Variants in PIN4 observed in about 807,000 individuals in gnomAD.
PIN4 encodes peptidylprolyl cis/trans isomerase, NIMA-interacting 4.
A neutral mutation model predicts 8.3 loss-of-function variants in PIN4; 3 were observed. The observed-to-expected ratio is 0.36, with a 90% CI of 0.16 to 0.93. The LOEUF (loss-of-function observed/expected upper bound fraction) is 0.93. PIN4 is among the 40% of genes least tolerant of loss of function. PIN4 has a pLI of 0.44. For synonymous variants in PIN4, 18 were observed against 32.5 expected (o/e 0.55, Z 1.52); for missense variants, 75 against 100.6 (o/e 0.75, Z 1.09).
intron 1 of PIN4, 165 bp from the exon 2 acceptor site, chrX:72,186,296 C>T (rs1409173767): frequency 3.9e-6 from 2 of 507,591 alleles, no homozygotes; most frequent in Admixed American, 5.4e-5. Context: ...TCCATTGTGG[C>T]CCAGGGAAGC....
In PIN4 at chrX:72,197,599, G is replaced by C; in HGVS notation, c.*73G>C. 1.8e-6 allele frequency: 2 copies of C among 1,116,197 alleles called. No homozygotes were observed. The highest frequency in any genetic ancestry group is 2.4e-6 in the Non-Finnish European group (2 of 844,573). 92.0% of individuals were successfully genotyped at this position (1,116,197 alleles called of 1,213,427 possible). On this transcript the variant is annotated 3_prime_UTR_variant, in exon 4 of 4. Coordinates refer to ENST00000373669, the MANE Select transcript of PIN4 (RefSeq NM_006223.4). Reference sequence around the variant, plus strand: ...AGGTATTACATATTCTTTTGAGCTGGAGCTGCAAGGAAATACAAAAATTTT... The same window carrying C: ...AGGTATTACATATTCTTTTGAGCTGCAGCTGCAAGGAAATACAAAAATTTT...
intron 2 of PIN4, 145 bp downstream of exon 2, chrX:72,186,679 C>A (rs908233818): frequency 2.3e-5 from 11 of 470,898 alleles, no homozygotes; most frequent in Non-Finnish European, 3.7e-5. Flanking sequence ...TGTAGCTGGG[C>A]GCACCTGTAA....
At chrX:72,249,171 G>C (rs1393767925) in intron 3 of PIN4, among the ~76,000 whole-genome samples, 2 of 112,335 alleles carry the variant, frequency 1.8e-5, no homozygotes, top group Non-Finnish European at 3.8e-5. Flanking sequence ...CACCTCATGA[G>C]ACAGGATATA....
chrX:72,186,546 G>T lies in PIN4; in HGVS notation c.117+12G>T. On this transcript the variant is annotated intron_variant, in intron 2 of 3. Transcript: ENST00000373669. ...GCAATGCAGTAAAGGTGAGTTACTG[G>T]TTCCTTTTTTTCCATGTTAAATATA... 8.9e-7 allele frequency: 1 copy of T among 1,124,666 alleles called. No homozygotes were observed. Among genetic ancestry groups the T allele is most frequent in the Non-Finnish European group, 1.2e-6 (1 of 820,441 alleles). 92.7% of individuals were successfully genotyped at this position (1,124,666 alleles called of 1,213,427 possible).
intron 2 of PIN4, among the ~76,000 whole-genome samples, chrX:72,191,443 C>T (rs765192350): frequency 3.6e-5 from 4 of 111,070 alleles, no homozygotes; most frequent in Non-Finnish European, 5.7e-5. Flanking sequence ...CTCAGCTACT[C>T]GGGAGGCTGA....
At chrX:72,205,281 C>A (rs147364154) in intron 3 of PIN4, 1 of 1,211,871 alleles carries the variant, frequency 8.3e-7, no homozygotes, top group Non-Finnish European at 1.1e-6. Context: ...TAGGCTTAGA[C>A]GTCATTAACC....
intron 2 of PIN4, among the ~76,000 whole-genome samples, chrX:72,189,076 G>A (rs780826035): frequency 1.6e-3 from 182 of 111,121 alleles, no homozygotes; most frequent in African/African-American, 5.5e-3. Context: ...GAGGTAGGAG[G>A]ATTGTTTGAG....
chrX:72,233,178 C>T (rs1222052034), intron 3 of PIN4, among the ~76,000 whole-genome samples: 1 of 111,505 alleles, frequency 9.0e-6, no homozygotes, highest in African/African-American at 3.3e-5. Flanking sequence ...TGATATGACA[C>T]AATATAGCTA....
At chrX:72,256,479 G>A (rs890293581) in intron 3 of PIN4, among the ~76,000 whole-genome samples, 18 of 111,458 alleles carry the variant, frequency 1.6e-4, no homozygotes, top group African/African-American at 5.9e-4. Flanking sequence ...GCCTTTTATT[G>A]TATTCAGGCC....
chrX:72,251,142 G>T (rs1376228443), intron 3 of PIN4, among the ~76,000 whole-genome samples: 3 of 105,120 alleles, frequency 2.9e-5, no homozygotes, highest in Non-Finnish European at 5.9e-5. Flanking sequence ...CGGATCACAA[G>T]GTCAGGAGAT....
intron 1 of PIN4, among the ~76,000 whole-genome samples, chrX:72,183,754 A>T: frequency 8.9e-6 from 1 of 111,772 alleles, no homozygotes; most frequent in Non-Finnish European, 1.9e-5. Flanking sequence ...GCTTCTTTGG[A>T]ATGGGGAAAA....
downstream of PIN4, among the ~76,000 whole-genome samples, chrX:72,201,856 CACAA>C (rs1169026368): frequency 1.8e-5 from 2 of 112,674 alleles, no homozygotes; most frequent in Non-Finnish European, 3.7e-5. Context: ...GAACGAAACG[CACAA>C]ACAAAGCAAG....
chrX:72,196,737 AGTCATTTGG>A (rs750028659), intron 2 of PIN4, 39 bp from the exon 3 acceptor site: 2 of 1,120,952 alleles, frequency 1.8e-6, no homozygotes, highest in Non-Finnish European at 2.4e-6. Flanking sequence ...TACTTTAAGG[AGTCATTTGG>A]GTCTCCAAGT....
In PIN4 at chrX:72,261,013, T is replaced by C. The variant is rs184774151; in HGVS notation, c.313-1694T>C. Among the ~76,000 whole-genome samples, 493 of 111,631 alleles carry C rather than the reference T, an allele frequency of 4.4e-3. 2 individuals carry two copies. Among genetic ancestry groups the C allele is most frequent in the African/African-American group, 0.015 (456 of 30,726 alleles). Reference sequence around the variant, plus strand: ...AGAGAGCTTTTTAAATTAAGCAAAATTTAGCCGGGCGCGGTGGCTCATGCC... The same window carrying C: ...AGAGAGCTTTTTAAATTAAGCAAAACTTAGCCGGGCGCGGTGGCTCATGCC... On this transcript the variant is annotated intron_variant, in intron 3 of 3. Transcript: ENST00000423432.
intron 3 of PIN4, chrX:72,205,269 A>C (rs1569489515): frequency 8.2e-7 from 1 of 1,212,158 alleles, no homozygotes; most frequent in East Asian, 3.0e-5. Flanking sequence ...GAGCTAGAGC[A>C]CTAGGCTTAG....
intron 3 of PIN4, chrX:72,207,087 A>G (rs751805250): frequency 8.3e-7 from 1 of 1,212,016 alleles, no homozygotes; most frequent in Non-Finnish European, 1.1e-6. Context: ...CATCAGTTGC[A>G]GGATTCCAGC....
chrX:72,207,445 G>A, intron 3 of PIN4: 2 of 1,211,010 alleles, frequency 1.7e-6, no homozygotes, highest in Non-Finnish European at 2.2e-6. Context: ...CACATCTGGG[G>A]AATCTTCCCC....
chrX:72,205,475 ACCT>A, intron 3 of PIN4: 2 of 1,210,836 alleles, frequency 1.7e-6, no homozygotes, highest in Non-Finnish European at 1.1e-6. Context: ...TTAATAAGAG[ACCT>A]CCTAGAAGCC....
At chrX:72,196,523 G>A (rs1337947634) in intron 2 of PIN4, among the ~76,000 whole-genome samples, 30 of 87,289 alleles carry the variant, frequency 3.4e-4, no homozygotes, top group African/African-American at 1.5e-3. Flanking sequence ...GACAGAGCAA[G>A]ACTCCTTCTC....
Sources: gnomAD v4.1 joint callset for allele counts (sites outside exome capture counted in the v4.1 genomes callset) on GRCh38, gnomAD v4.1.1 for gene constraint, MANE v1.5 for transcripts, NCBI Gene and HGNC (gene_info 2026-07-23, HGNC 2026-07-21) for gene names.